Variants in DNAJC6 observed in about 807,000 individuals in gnomAD.
DNAJC6 encodes the protein DnaJ heat shock protein family (Hsp40) member C6, also known as auxilin.
In DNAJC6, 34 loss-of-function variants were observed where a neutral mutation model predicts 110.0. The ratio of observed to expected loss-of-function variants is 0.31; its 90% CI spans 0.24 to 0.41. DNAJC6 has a LOEUF of 0.41. Among genes scored for constraint, DNAJC6 ranks in the 10% least tolerant of loss-of-function variants. The pLI is 1.00. For missense variants in DNAJC6, 1,031 were observed against 1,207.8 expected (o/e 0.85, Z 2.17); for synonymous variants, 406 against 437.2 (o/e 0.93, Z 0.89).
At chr1:65,357,297 A>G (rs563955562) in intron 1 of DNAJC6, among the ~76,000 whole-genome samples, 3 of 152,212 alleles carry the variant, frequency 2.0e-5, no homozygotes, top group Non-Finnish European at 2.9e-5. Flanking sequence ...TCACTTTATC[A>G]GTCGTCTCTC....
chr1:65,318,702 G>A (rs1645169862), intron 1 of DNAJC6, among the ~76,000 whole-genome samples: 1 of 152,156 alleles, frequency 6.6e-6, no homozygotes, highest in African/African-American at 2.4e-5. Flanking sequence ...AGCTTGTCAG[G>A]GCATGGGTGG....
At chr1:65,377,010 G>A (rs755141328) in intron 4 of DNAJC6, among the ~76,000 whole-genome samples, 1 of 152,142 alleles carries the variant, frequency 6.6e-6, no homozygotes, top group African/African-American at 2.4e-5. Flanking sequence ...TGATCTGCCT[G>A]CCTAGGCCTC....
chr1:65,369,987 G>A (rs969120264), intron 4 of DNAJC6, among the ~76,000 whole-genome samples: 1 of 152,164 alleles, frequency 6.6e-6, no homozygotes, highest in Non-Finnish European at 1.5e-5. Context: ...ATTCAAAAGC[G>A]AAGTACTGGA....
At chr1:65,341,953 T>A (rs1269088638) in intron 1 of DNAJC6, among the ~76,000 whole-genome samples, 1 of 152,098 alleles carries the variant, frequency 6.6e-6, no homozygotes, top group Non-Finnish European at 1.5e-5. Flanking sequence ...GAAACTAGTT[T>A]TCATTAATTT....
intron 1 of DNAJC6, among the ~76,000 whole-genome samples, chr1:65,331,751 T>C (rs1222146665): frequency 1.3e-5 from 2 of 152,236 alleles, no homozygotes; most frequent in African/African-American, 4.8e-5. Context: ...GTTTGCTGAG[T>C]ATGAGCTCAG....
At chr1:65,328,965 C>T (rs1473147053) in intron 1 of DNAJC6, among the ~76,000 whole-genome samples, 1 of 152,180 alleles carries the variant, frequency 6.6e-6, no homozygotes, top group African/African-American at 2.4e-5. Context: ...GGGTCAGGTG[C>T]TTCTTTGTGC....
chr1:65,282,998 T>A (rs972344405), intron 1 of DNAJC6, among the ~76,000 whole-genome samples: 1 of 152,200 alleles, frequency 6.6e-6, no homozygotes, highest in African/African-American at 2.4e-5. Context: ...AATCATAGAT[T>A]TGTCCGAGAG....
chr1:65,379,557 T>G (rs777384906), intron 5 of DNAJC6, 33 bp downstream of exon 5: 6 of 1,612,510 alleles, frequency 3.7e-6, no homozygotes, highest in Non-Finnish European at 5.1e-6. Context: ...TGGTGATGGT[T>G]TGGTTTGGTC....
intron 1 of DNAJC6, among the ~76,000 whole-genome samples, chr1:65,282,682 C>G: frequency 6.6e-6 from 1 of 152,218 alleles, no homozygotes; most frequent in East Asian, 1.9e-4. Context: ...GTGCAAAATC[C>G]TTTCCTCTTA....
intron 1 of DNAJC6, among the ~76,000 whole-genome samples, chr1:65,360,488 A>G (rs1645587125): frequency 6.6e-6 from 1 of 152,182 alleles, no homozygotes; most frequent in African/African-American, 2.4e-5. Context: ...CATCTAATCA[A>G]TTTGATGTCC....
intron 1 of DNAJC6, among the ~76,000 whole-genome samples, chr1:65,343,200 A>G (rs778946661): frequency 1.3e-5 from 2 of 152,132 alleles, no homozygotes; most frequent in Non-Finnish European, 2.9e-5. Flanking sequence ...TCCATTTCAG[A>G]GTCTTCCTCC....
chr1:65,339,662 G>A (rs1405879462), intron 1 of DNAJC6, among the ~76,000 whole-genome samples: 1 of 152,170 alleles, frequency 6.6e-6, no homozygotes, highest in Non-Finnish European at 1.5e-5. Context: ...CCTTCTAGGA[G>A]TTTGCAGGCA....
chr1:65,302,640 A>C (rs1307235191), intron 1 of DNAJC6, among the ~76,000 whole-genome samples: 1 of 141,066 alleles, frequency 7.1e-6, no homozygotes, highest in Non-Finnish European at 1.5e-5. Flanking sequence ...GGTTCACGCC[A>C]TTCTCCTGCC....
rs74083007 is a variant in DNAJC6, at chr1:65,284,426, G to A, written c.-131+19494G>A. Among the ~76,000 whole-genome samples the A allele has an allele frequency of 4.3e-3, 658 of 152,250 alleles. 2 individuals carry two copies. Among genetic ancestry groups the A allele is most frequent in the African/African-American group, 0.015 (625 of 41,568 alleles). On this transcript the variant is annotated intron_variant, in intron 1 of 19. Coordinates refer to the DNAJC6 transcript ENST00000263441. ...GGAGTCTATTTTCAGACTTCCCTTCGTCTGTTCTCCTTTTCCTCAGAGTGT... is the reference window on the plus strand; with the variant it reads ...GGAGTCTATTTTCAGACTTCCCTTCATCTGTTCTCCTTTTCCTCAGAGTGT...
At chr1:65,343,093 C>T (rs1040613568) in intron 1 of DNAJC6, among the ~76,000 whole-genome samples, 2 of 152,170 alleles carry the variant, frequency 1.3e-5, no homozygotes, top group Non-Finnish European at 2.9e-5. Context: ...GGTCTCACCT[C>T]TCACCCCTCT....
intron 3 of DNAJC6, 51 bp from the exon 4 acceptor site, chr1:65,365,997 A>G (rs779010895): frequency 3.1e-6 from 5 of 1,613,084 alleles, no homozygotes; most frequent in Non-Finnish European, 4.2e-6. Flanking sequence ...CCATCGTTAT[A>G]GCAGACGTAA....
intron 1 of DNAJC6, among the ~76,000 whole-genome samples, chr1:65,303,109 G>A (rs1209858268): frequency 8.5e-5 from 13 of 152,182 alleles, no homozygotes; most frequent in Admixed American, 8.5e-4. Flanking sequence ...TGTTTTTTAA[G>A]TGAGCTCATT....
At chr1:65,328,090 AT>A (rs1179905248) in intron 1 of DNAJC6, among the ~76,000 whole-genome samples, 1 of 152,242 alleles carries the variant, frequency 6.6e-6, no homozygotes, top group Non-Finnish European at 1.5e-5. Context: ...GTCTTTATAC[AT>A]TGAATTAAAC....
intron 17 of DNAJC6, among the ~76,000 whole-genome samples, chr1:65,410,101 A>C (rs1420587374): frequency 6.6e-6 from 1 of 152,196 alleles, no homozygotes; most frequent in African/African-American, 2.4e-5. Context: ...GGAGAGGTTG[A>C]GTTCCTATGT....
Sources: allele counts gnomAD v4.1 joint callset (sites outside exome capture counted in the v4.1 genomes callset), GRCh38; gene constraint gnomAD v4.1.1; transcripts MANE v1.5; gene names NCBI Gene and HGNC (gene_info 2026-07-23, HGNC 2026-07-21).